The following GRM5 variants were observed in gnomAD, a reference collection of about 807,000 sequenced individuals.
GRM5 encodes metabotropic glutamate receptor 5.
Under a neutral mutation model 83.1 loss-of-function variants are expected in GRM5, and 19 were observed. The ratio of observed to expected loss-of-function variants is 0.23; its 90% CI spans 0.16 to 0.34. The LOEUF is 0.34. Among genes scored for constraint, GRM5 ranks in the 10% least tolerant of loss-of-function variants. The pLI, the probability that GRM5 is intolerant of heterozygous loss-of-function variation, is 1.00. For synonymous variants in GRM5, 675 were observed against 633.6 expected (o/e 1.07, Z -0.98); for missense variants, 1,160 against 1,588.3 (o/e 0.73, Z 4.58).
intron 3 of GRM5, among the ~76,000 whole-genome samples, chr11:88,783,467 G>A (rs1943010948): frequency 6.6e-6 from 1 of 152,084 alleles, no homozygotes; most frequent in African/African-American, 2.4e-5. Context: ...TAATAATGCA[G>A]GTAGGTAGGT....
intron 8 of GRM5, among the ~76,000 whole-genome samples, chr11:88,560,583 A>G (rs1942731669): frequency 2.0e-5 from 3 of 152,178 alleles, no homozygotes. Context: ...AAGCATTATC[A>G]GATAAAATCT....
At chr11:88,804,525 G>A (rs1235346700) in intron 3 of GRM5, among the ~76,000 whole-genome samples, 2 of 151,704 alleles carry the variant, frequency 1.3e-5, no homozygotes, top group Admixed American at 6.6e-5. Flanking sequence ...ATCACACTCT[G>A]GGGACTGTTG....
chr11:89,024,239 T>A (rs1169885297), intron 2 of GRM5, among the ~76,000 whole-genome samples: 1 of 152,190 alleles, frequency 6.6e-6, no homozygotes, highest in African/African-American at 2.4e-5. Context: ...AAGTTATTCA[T>A]CAGATACCAA....
At chr11:88,621,145 T>C (rs1269408898) in intron 4 of GRM5, among the ~76,000 whole-genome samples, 1 of 152,190 alleles carries the variant, frequency 6.6e-6, no homozygotes, top group African/African-American at 2.4e-5. Flanking sequence ...ATGGTTATGA[T>C]ATTATTTAAA....
At chr11:88,589,785 A>C (rs114148929) in intron 7 of GRM5, among the ~76,000 whole-genome samples, 1 of 152,158 alleles carries the variant, frequency 6.6e-6, no homozygotes, top group African/African-American at 2.4e-5. Context: ...TTATATTGTA[A>C]TCATATTTTT....
chr11:88,868,269 G>T (rs1335622180), intron 2 of GRM5, among the ~76,000 whole-genome samples: 1 of 151,804 alleles, frequency 6.6e-6, no homozygotes, highest in East Asian at 1.9e-4. Flanking sequence ...GAAATTAGAT[G>T]AAATTTGAAC....
chr11:88,851,000 G>A (rs573894949), intron 2 of GRM5, among the ~76,000 whole-genome samples: 9 of 152,030 alleles, frequency 5.9e-5, no homozygotes, highest in Non-Finnish European at 1.2e-4. Flanking sequence ...TCAATACATA[G>A]ATCAGAAAAC....
At chr11:88,946,329 T>G (rs527351304) in intron 2 of GRM5, among the ~76,000 whole-genome samples, 1 of 152,222 alleles carries the variant, frequency 6.6e-6, no homozygotes, top group Admixed American at 6.6e-5. Flanking sequence ...GTTTGGTGAT[T>G]TCTCAAAGAA....
At chr11:88,776,346 A>G (rs887909919) in intron 3 of GRM5, among the ~76,000 whole-genome samples, 14 of 151,930 alleles carry the variant, frequency 9.2e-5, no homozygotes, top group Non-Finnish European at 1.3e-4. Flanking sequence ...TGCATGTGAG[A>G]TGGGTCTCCT....
At chr11:88,928,537 A>T (rs1013654218) in intron 2 of GRM5, among the ~76,000 whole-genome samples, 3 of 151,176 alleles carry the variant, frequency 2.0e-5, no homozygotes, top group African/African-American at 7.3e-5. Context: ...TGGTGATGTT[A>T]CTGTGATTTA....
At chr11:88,853,119 T>C (rs1944415742) in intron 2 of GRM5, among the ~76,000 whole-genome samples, 1 of 152,122 alleles carries the variant, frequency 6.6e-6, no homozygotes, top group Admixed American at 6.6e-5. Flanking sequence ...CGTTCTTCTT[T>C]AGGTAGCAGA....
At chr11:88,823,390 C>T (rs904609604) in intron 3 of GRM5, among the ~76,000 whole-genome samples, 2 of 151,530 alleles carry the variant, frequency 1.3e-5, no homozygotes, top group Non-Finnish European at 2.9e-5. Flanking sequence ...TTTAACTTTC[C>T]ACCTCCCTGA....
At chr11:88,677,245 A>AATG (rs1233580092) in intron 3 of GRM5, among the ~76,000 whole-genome samples, 1 of 152,066 alleles carries the variant, frequency 6.6e-6, no homozygotes, top group Non-Finnish European at 1.5e-5. Context: ...TATAATGGGT[A>AATG]ATGTTTTTCT....
intron 2 of GRM5, among the ~76,000 whole-genome samples, chr11:89,045,721 C>T (rs1490161670): frequency 6.6e-6 from 1 of 152,168 alleles, no homozygotes; most frequent in Non-Finnish European, 1.5e-5. Flanking sequence ...TGACCAAGCA[C>T]TGATCTTCTG....
chr11:88,823,651 T>C (rs1372230408), intron 3 of GRM5, among the ~76,000 whole-genome samples: 1 of 152,148 alleles, frequency 6.6e-6, no homozygotes. Context: ...GTTTCATGGG[T>C]CTCAGGGAAG....
chr11:88,741,102 C>T (rs956554000), intron 3 of GRM5, among the ~76,000 whole-genome samples: 6 of 151,874 alleles, frequency 4.0e-5, no homozygotes, highest in Non-Finnish European at 7.4e-5. Flanking sequence ...GGAAACTAGG[C>T]GGCAACCACA....
At chr11:88,584,919 CA>C (rs1943284428) in intron 7 of GRM5, among the ~76,000 whole-genome samples, 1 of 152,154 alleles carries the variant, frequency 6.6e-6, no homozygotes, top group Admixed American at 6.5e-5. Flanking sequence ...CACTCTACTC[CA>C]AAATATGGCA....
Position 88,838,868 on chromosome 11 carries a change from T to TACACACACAC in GRM5, c.911+11028_911+11037dup, listed in dbSNP as rs59388840. Among the ~76,000 whole-genome samples the TACACACACAC allele has an allele frequency of 3.0e-3, 438 of 144,832 alleles. 1 individual carries two copies. Among genetic ancestry groups the TACACACACAC allele is most frequent in the Middle Eastern group, 7.1e-3 (2 of 282 alleles). ...CAACCCACTGCCACACCCCTTATGC[T>TACACACACAC]ACACACACACACACACACACACACA... On this transcript the variant is annotated intron_variant, in intron 3 of 9. Coordinates refer to ENST00000305447, the MANE Select transcript of GRM5 (RefSeq NM_001143831.3).
chr11:88,648,820 ACAC>A (rs1394595451), intron 4 of GRM5, among the ~76,000 whole-genome samples: 1 of 151,772 alleles, frequency 6.6e-6, no homozygotes, highest in Non-Finnish European at 1.5e-5. Context: ...AGAAAAGACT[ACAC>A]AGAGAATAAG....
Sources: allele counts gnomAD v4.1 joint callset (sites outside exome capture counted in the v4.1 genomes callset), GRCh38; gene constraint gnomAD v4.1.1; transcripts MANE v1.5; gene names NCBI Gene and HGNC (gene_info 2026-07-23, HGNC 2026-07-21).